The following TDRD3 variants were observed in gnomAD, a reference collection of about 807,000 sequenced individuals.
The protein encoded by TDRD3 is tudor domain-containing protein 3.
In TDRD3, 45 loss-of-function variants were observed where a neutral mutation model predicts 86.7. The observed-to-expected ratio is 0.52, with a 90% CI of 0.41 to 0.67. TDRD3 has a LOEUF of 0.67. Among genes scored for constraint, TDRD3 ranks in the 30% least tolerant of loss-of-function variants. TDRD3 has a pLI of 0.00. For synonymous variants in TDRD3, 298 were observed against 301.7 expected, an observed-to-expected ratio of 0.99 and a Z score of 0.13; for missense variants, 814 against 889.0, an observed-to-expected ratio of 0.92 and a Z score of 1.07.
chr13:60,469,745 T>C (rs577386138), intron 5 of TDRD3, among the ~76,000 whole-genome samples: 2 of 152,316 alleles, frequency 1.3e-5, no homozygotes, highest in South Asian at 4.1e-4. Context: ...GAAGAAGCAC[T>C]AAGCATTCAG....
intron 13 of TDRD3, among the ~76,000 whole-genome samples, chr13:60,570,316 A>ATTAAAAAATACT (rs1156798365): frequency 2.6e-5 from 4 of 152,234 alleles, no homozygotes; most frequent in African/African-American, 9.6e-5. Flanking sequence ...AAAATACTCA[A>ATTAAAAAATACT]CATCATTAAT....
At chr13:60,512,260 AC>A (rs1957076350) in intron 10 of TDRD3, among the ~76,000 whole-genome samples, 1 of 152,116 alleles carries the variant, frequency 6.6e-6, no homozygotes, top group South Asian at 2.1e-4. Context: ...TGTCACGAGA[AC>A]AGCACAGGAA....
chr13:60,484,493 G>A (rs1397578328), intron 6 of TDRD3, among the ~76,000 whole-genome samples: 4 of 152,072 alleles, frequency 2.6e-5, no homozygotes, highest in African/African-American at 4.8e-5. Context: ...GACATAACAG[G>A]TAGGCAACAG....
At chr13:60,410,870 G>GT (rs773286898) in intron 1 of TDRD3, among the ~76,000 whole-genome samples, 1 of 151,930 alleles carries the variant, frequency 6.6e-6, no homozygotes, top group Non-Finnish European at 1.5e-5. Context: ...TTGGTTTTAT[G>GT]TTTTTTCCCT....
intron 12 of TDRD3, among the ~76,000 whole-genome samples, chr13:60,558,772 A>G (rs914863577): frequency 1.3e-5 from 2 of 151,852 alleles, no homozygotes; most frequent in East Asian, 3.9e-4. Context: ...TTCTTTATAC[A>G]TTAAAAAAGA....
intron 1 of TDRD3, among the ~76,000 whole-genome samples, chr13:60,411,336 A>G (rs1461025339): frequency 6.6e-6 from 1 of 152,246 alleles, no homozygotes; most frequent in Non-Finnish European, 1.5e-5. Context: ...TAATACTTAA[A>G]TAATACATGA....
chr13:60,534,187 C>T (rs927261410), intron 11 of TDRD3, among the ~76,000 whole-genome samples: 2 of 152,104 alleles, frequency 1.3e-5, no homozygotes, highest in African/African-American at 4.8e-5. Flanking sequence ...GTTGTATGCA[C>T]CTGTAGACCC....
chr13:60,535,586 G>C (rs2137817811), intron 12 of TDRD3: 1 of 156,796 alleles, frequency 6.4e-6, no homozygotes, highest in African/African-American at 2.4e-5. Context: ...TCCAGCAGCT[G>C]TCAAATTCAA....
At chr13:60,567,849 G>A (rs921436884) in intron 13 of TDRD3, among the ~76,000 whole-genome samples, 199 bp downstream of exon 13, 3 of 151,396 alleles carry the variant, frequency 2.0e-5, no homozygotes, top group Non-Finnish European at 2.9e-5. Flanking sequence ...TCAGCTTCCC[G>A]AGTAGCTGGG....
chr13:60,403,584 G>C (rs1954157549), intron 1 of TDRD3, among the ~76,000 whole-genome samples: 1 of 152,202 alleles, frequency 6.6e-6, no homozygotes, highest in South Asian at 2.1e-4. Flanking sequence ...AAGCAAACAA[G>C]ATGGGGCAAA....
At chr13:60,543,338 T>C (rs2137859579) in intron 12 of TDRD3, among the ~76,000 whole-genome samples, 1 of 152,288 alleles carries the variant, frequency 6.6e-6, no homozygotes, top group African/African-American at 2.4e-5. Context: ...TTCCACTTCA[T>C]GGTTAAACAA....
Position 60,399,987 on chromosome 13 carries a change from A to G in TDRD3, c.41+2582A>G, listed in dbSNP as rs142175955. Among the ~76,000 whole-genome samples the G allele has an allele frequency of 5.6e-4, 86 of 152,380 alleles. 1 individual carries two copies. The highest frequency in any genetic ancestry group is 1.9e-3 in the African/African-American group (81 of 41,586). On this transcript the variant is annotated intron_variant, in intron 1 of 13. Coordinates refer to ENST00000377881, the MANE Select transcript of TDRD3 (RefSeq NM_001146070.2). ...CCTATAAAAATCAGTATTTTAAAAT[A>G]TAACTTCAAAAGTAGCTACCTGGCG...
intron 10 of TDRD3, among the ~76,000 whole-genome samples, chr13:60,517,638 T>G (rs1401464812): frequency 6.6e-6 from 1 of 152,236 alleles, no homozygotes; most frequent in Non-Finnish European, 1.5e-5. Context: ...CCTTGAATTT[T>G]TCTTCCTGTA....
At chr13:60,553,248 T>G (rs1185395016) in intron 12 of TDRD3, among the ~76,000 whole-genome samples, 1 of 152,226 alleles carries the variant, frequency 6.6e-6, no homozygotes, top group Non-Finnish European at 1.5e-5. Flanking sequence ...AGGTCACCTC[T>G]TGAATGCTTT....
chr13:60,492,326 T>G (rs1956605847), intron 7 of TDRD3, among the ~76,000 whole-genome samples: 1 of 152,192 alleles, frequency 6.6e-6, no homozygotes, highest in African/African-American at 2.4e-5. Flanking sequence ...TTCTAGTATA[T>G]TAACCAAAAT....
At chr13:60,430,219 T>C (rs1196706405) in intron 1 of TDRD3, among the ~76,000 whole-genome samples, 2 of 152,170 alleles carry the variant, frequency 1.3e-5, no homozygotes, top group African/African-American at 2.4e-5. Flanking sequence ...ATACCTTACA[T>C]TTATAAATAG....
intron 1 of TDRD3, among the ~76,000 whole-genome samples, chr13:60,404,531 C>T (rs1954186207): frequency 6.6e-6 from 1 of 151,654 alleles, no homozygotes; most frequent in African/African-American, 2.4e-5. Flanking sequence ...GGGATGGTCT[C>T]GATCTCCTGA....
intron 3 of TDRD3, among the ~76,000 whole-genome samples, chr13:60,459,576 C>A (rs1455977753): frequency 4.6e-5 from 7 of 152,020 alleles, no homozygotes; most frequent in Non-Finnish European, 1.5e-5. Context: ...TCATGTATAC[C>A]AGGAGAGGGA....
upstream of TDRD3, chr13:60,397,059 GA>G (rs1295376440): frequency 3.4e-6 from 1 of 291,800 alleles, no homozygotes; most frequent in East Asian, 5.4e-5. Flanking sequence ...AGCCTTCGGG[GA>G]AGAGGCAAAG....
Sources: gnomAD v4.1 joint callset for allele counts (sites outside exome capture counted in the v4.1 genomes callset) on GRCh38, gnomAD v4.1.1 for gene constraint, MANE v1.5 for transcripts, NCBI Gene and HGNC (gene_info 2026-07-23, HGNC 2026-07-21) for gene names.